CBLB: variants seen among roughly 807,000 people sequenced by gnomAD.
CBLB encodes Cbl proto-oncogene B.
A neutral mutation model predicts 104.9 loss-of-function variants in CBLB; 31 were observed. The ratio of observed to expected loss-of-function variants is 0.30; its 90% CI spans 0.22 to 0.40. The LOEUF (loss-of-function observed/expected upper bound fraction) is 0.40, where lower values mean the gene tolerates loss of function less well. Among genes scored for constraint, CBLB ranks in the 10% least tolerant of loss-of-function variants. The pLI is 1.00. For missense variants in CBLB, 1,062 were observed against 1,214.6 expected (o/e 0.87, Z 1.87); for synonymous variants, 440 against 422.6 (o/e 1.04, Z -0.51).
At chr3:105,682,906 C>G (rs962494473) in intron 14 of CBLB, among the ~76,000 whole-genome samples, 12 of 152,114 alleles carry the variant, frequency 7.9e-5, no homozygotes, top group African/African-American at 2.9e-4. Context: ...GCATATTTTG[C>G]CTTCAGCATA....
chr3:105,669,331 C>A (rs941454751), intron 18 of CBLB, among the ~76,000 whole-genome samples: 1 of 152,190 alleles, frequency 6.6e-6, no homozygotes, highest in Non-Finnish European at 1.5e-5. Flanking sequence ...GATCCCAGAG[C>A]ACTCCCTTGC....
intron 5 of CBLB, among the ~76,000 whole-genome samples, chr3:105,749,077 T>C (rs184594955): frequency 6.6e-6 from 1 of 152,232 alleles, no homozygotes; most frequent in African/African-American, 2.4e-5. Context: ...TTTAAGAAAA[T>C]CACTTAATTT....
At chr3:105,764,365 C>A (rs1192235540) in intron 4 of CBLB, among the ~76,000 whole-genome samples, 1 of 152,180 alleles carries the variant, frequency 6.6e-6, no homozygotes, top group African/African-American at 2.4e-5. Context: ...GCACACAGGT[C>A]TAGCCAATTG....
At chr3:105,674,025 C>A (rs1218799259) in intron 17 of CBLB, 1 of 152,182 alleles carries the variant, frequency 6.6e-6, no homozygotes, top group Admixed American at 6.5e-5. Flanking sequence ...GGCTTGTGAC[C>A]ACTGAGTCCC....
chr3:105,690,369 G>C (rs2067523368), intron 13 of CBLB, among the ~76,000 whole-genome samples: 1 of 152,070 alleles, frequency 6.6e-6, no homozygotes, highest in African/African-American at 2.4e-5. Flanking sequence ...CAAGACTCTT[G>C]ACTCACTGTT....
At chr3:105,812,888 C>T (rs2084497073) in intron 3 of CBLB, among the ~76,000 whole-genome samples, 1 of 152,104 alleles carries the variant, frequency 6.6e-6, no homozygotes, top group African/African-American at 2.4e-5. Flanking sequence ...ACTTAGTCAT[C>T]TTAGGCCGTT....
intron 3 of CBLB, among the ~76,000 whole-genome samples, chr3:105,794,592 C>G (rs774163252): frequency 3.3e-5 from 5 of 152,154 alleles, no homozygotes; most frequent in Non-Finnish European, 7.3e-5. Context: ...CACAAACCAA[C>G]TAGGGGCTAG....
In CBLB at chr3:105,658,533, G is replaced by A. The variant is rs2063493673; in HGVS notation, c.*437C>T. The A allele has an allele frequency of 1.2e-5, 3 of 252,776 alleles. No homozygotes were observed. Among genetic ancestry groups the A allele is most frequent in the African/African-American group, 2.2e-5 (1 of 45,632 alleles). The allele number at this position is 252,776 out of a possible 1,614,324, so 15.7% of individuals were successfully genotyped here. A position where few individuals can be genotyped will look rare whatever the true frequency, so the allele number is the denominator to read the frequency against. ...GAATAAATGATTTAGCTGTTGATGT[G>A]GACAGCAAGAGAGTTGGTGGGAAAT... On this transcript the variant is annotated 3_prime_UTR_variant, in exon 19 of 19. Transcript: ENST00000394030.
chr3:105,708,160 T>A (rs993219993), intron 10 of CBLB, among the ~76,000 whole-genome samples: 1 of 152,064 alleles, frequency 6.6e-6, no homozygotes, highest in African/African-American at 2.4e-5. Context: ...ACAGTTCTAA[T>A]CCCCAGCTCA....
intron 9 of CBLB, among the ~76,000 whole-genome samples, chr3:105,731,047 A>T (rs1338438675): frequency 6.6e-6 from 1 of 152,232 alleles, no homozygotes; most frequent in African/African-American, 2.4e-5. Context: ...ATATAAGGTC[A>T]TTAGGCCAAT....
chr3:105,694,380 T>C (rs1243412754), intron 12 of CBLB, among the ~76,000 whole-genome samples: 1 of 151,966 alleles, frequency 6.6e-6, no homozygotes, highest in South Asian at 2.1e-4. Flanking sequence ...CAGAAACATA[T>C]TCACAAGAAA....
chr3:105,786,378 G>A (rs2081025903), intron 3 of CBLB, among the ~76,000 whole-genome samples: 1 of 151,938 alleles, frequency 6.6e-6, no homozygotes, highest in South Asian at 2.1e-4. Flanking sequence ...GCCTACTGGA[G>A]ACAGAATAGA....
intron 8 of CBLB, among the ~76,000 whole-genome samples, chr3:105,734,531 TG>T (rs1411837251): frequency 1.9e-5 from 2 of 107,252 alleles, no homozygotes; most frequent in African/African-American, 6.3e-5. Flanking sequence ...ACTGTCAAAT[TG>T]AAAAAAAAAT....
chr3:105,701,494 G>A (rs1252035210), intron 12 of CBLB, among the ~76,000 whole-genome samples: 1 of 152,222 alleles, frequency 6.6e-6, no homozygotes, highest in East Asian at 1.9e-4. Flanking sequence ...TGGGCACAGT[G>A]GCTCATGCCT....
At chr3:105,751,826 A>C (rs1350372394) in intron 4 of CBLB, among the ~76,000 whole-genome samples, 6 of 152,172 alleles carry the variant, frequency 3.9e-5, no homozygotes, top group Admixed American at 3.9e-4. Flanking sequence ...AATATGACAA[A>C]AATTTAAATT....
intron 10 of CBLB, among the ~76,000 whole-genome samples, chr3:105,714,434 T>C (rs949254733): frequency 1.3e-5 from 2 of 152,128 alleles, no homozygotes; most frequent in African/African-American, 4.8e-5. Context: ...CCTGAGCTTA[T>C]TTTCCTTCAA....
chr3:105,700,813 T>C (rs1051845831), intron 12 of CBLB, among the ~76,000 whole-genome samples: 1 of 152,186 alleles, frequency 6.6e-6, no homozygotes, highest in Non-Finnish European at 1.5e-5. Context: ...ATCACTGAGG[T>C]TAAATACTGT....
chr3:105,686,645 A>G (rs986345503), intron 13 of CBLB, among the ~76,000 whole-genome samples: 2 of 152,144 alleles, frequency 1.3e-5, no homozygotes, highest in East Asian at 1.9e-4. Context: ...TGAAAAATCT[A>G]AAGATTTAAG....
chr3:105,748,618 T>A (rs1260709658), intron 5 of CBLB, among the ~76,000 whole-genome samples: 1 of 152,144 alleles, frequency 6.6e-6, no homozygotes, highest in East Asian at 1.9e-4. Flanking sequence ...CCAGCATCTC[T>A]AAGTGACTTT....
Sources: allele counts gnomAD v4.1 joint callset (sites outside exome capture counted in the v4.1 genomes callset), GRCh38; gene constraint gnomAD v4.1.1; transcripts MANE v1.5; gene names NCBI Gene and HGNC (gene_info 2026-07-23, HGNC 2026-07-21).